SPAG16: variants seen among roughly 807,000 people sequenced by gnomAD.
The protein encoded by SPAG16 is sperm-associated antigen 16 protein.
In SPAG16, 86 loss-of-function variants were observed where a neutral mutation model predicts 80.4. The ratio of observed to expected loss-of-function variants is 1.07; its 90% CI spans 0.90 to 1.28. The LOEUF (loss-of-function observed/expected upper bound fraction) is 1.28, where lower values mean the gene tolerates loss of function less well. Among genes scored for constraint, SPAG16 ranks in the 50% most tolerant of loss-of-function variants. The pLI is 0.00. For synonymous variants in SPAG16, 294 were observed against 265.9 expected (o/e 1.11, Z -1.03); for missense variants, 870 against 765.3 (o/e 1.14, Z -1.61).
At chr2:214,223,927 G>T (rs1054107698) in intron 15 of SPAG16, among the ~76,000 whole-genome samples, 2 of 152,196 alleles carry the variant, frequency 1.3e-5, no homozygotes, top group Non-Finnish European at 2.9e-5. Flanking sequence ...GTTGAAATGG[G>T]TTTTAAAGAA....
At chr2:214,284,509 C>T (rs1693202837) in intron 15 of SPAG16, among the ~76,000 whole-genome samples, 1 of 152,156 alleles carries the variant, frequency 6.6e-6, no homozygotes, top group Non-Finnish European at 1.5e-5. Context: ...TTCTCTAGCT[C>T]CACGCACCTA....
At chr2:214,329,581 A>G (rs1283535986) in intron 15 of SPAG16, among the ~76,000 whole-genome samples, 2 of 152,246 alleles carry the variant, frequency 1.3e-5, no homozygotes, top group African/African-American at 2.4e-5. Flanking sequence ...AAAGAAATAC[A>G]AATGTTTCTA....
At chr2:214,100,349 A>G (rs2052920799) in intron 13 of SPAG16, among the ~76,000 whole-genome samples, 1 of 151,778 alleles carries the variant, frequency 6.6e-6, no homozygotes, top group Admixed American at 6.6e-5. Context: ...TCAAAAAGGC[A>G]TTTTTTTTGT....
chr2:213,757,560 C>T (rs933996764), intron 10 of SPAG16, among the ~76,000 whole-genome samples: 3 of 152,130 alleles, frequency 2.0e-5, no homozygotes, highest in African/African-American at 7.2e-5. Flanking sequence ...ATTGTACTGG[C>T]AGAATCTGTC....
At chr2:213,977,001 T>C (rs2045445740) in intron 12 of SPAG16, among the ~76,000 whole-genome samples, 1 of 152,030 alleles carries the variant, frequency 6.6e-6, no homozygotes, top group South Asian at 2.1e-4. Context: ...GTCGCTAAAT[T>C]TGTGAGAAGT....
intron 13 of SPAG16, among the ~76,000 whole-genome samples, chr2:214,038,129 T>G (rs2048809136): frequency 6.6e-6 from 1 of 152,170 alleles, no homozygotes; most frequent in Non-Finnish European, 1.5e-5. Flanking sequence ...ATATTTGCTG[T>G]GTTTCTCTAT....
chr2:213,909,457 C>T (rs1309011783), intron 11 of SPAG16, among the ~76,000 whole-genome samples: 7 of 152,124 alleles, frequency 4.6e-5, no homozygotes, highest in South Asian at 4.1e-4. Flanking sequence ...GGAGGCATCA[C>T]GCTACCTGAC....
chr2:213,996,730 G>A (rs1019221904), intron 12 of SPAG16, among the ~76,000 whole-genome samples: 1 of 151,962 alleles, frequency 6.6e-6, no homozygotes, highest in African/African-American at 2.4e-5. Flanking sequence ...CACTGGGCCA[G>A]GCTAATTTTT....
chr2:213,820,867 TTTTA>T (rs1449516914), intron 10 of SPAG16, among the ~76,000 whole-genome samples: 2 of 152,162 alleles, frequency 1.3e-5, no homozygotes, highest in Non-Finnish European at 2.9e-5. Context: ...TGTATAATGC[TTTTA>T]TTTATTTTTG....
intron 15 of SPAG16, among the ~76,000 whole-genome samples, chr2:214,178,170 C>A (rs201104228): frequency 1.4e-5 from 2 of 142,556 alleles, no homozygotes; most frequent in Admixed American, 7.3e-5. Context: ...TCTAAATATA[C>A]CTAACTAGGG....
intron 15 of SPAG16, among the ~76,000 whole-genome samples, chr2:214,193,028 G>A (rs1295555266): frequency 6.6e-6 from 1 of 151,988 alleles, no homozygotes; most frequent in Non-Finnish European, 1.5e-5. Context: ...GTCCTACAAG[G>A]ACCTCTGCTA....
At chr2:213,479,834 GT>G (rs1386641206) in intron 9 of SPAG16, among the ~76,000 whole-genome samples, 2 of 152,156 alleles carry the variant, frequency 1.3e-5, no homozygotes, top group Non-Finnish European at 2.9e-5. Flanking sequence ...TCAAAAGGGG[GT>G]AACATGGGAT....
At chr2:214,218,412 T>C (rs1296253018) in intron 15 of SPAG16, among the ~76,000 whole-genome samples, 1 of 152,156 alleles carries the variant, frequency 6.6e-6, no homozygotes, top group Admixed American at 6.5e-5. Context: ...CTGGGAAAAC[T>C]TGACGGAAAA....
At chr2:213,979,404 C>T (rs921202768) in intron 12 of SPAG16, among the ~76,000 whole-genome samples, 2 of 152,016 alleles carry the variant, frequency 1.3e-5, no homozygotes, top group Admixed American at 1.3e-4. Flanking sequence ...TAAAGAACTG[C>T]CCGTGACTGG....
intron 10 of SPAG16, among the ~76,000 whole-genome samples, chr2:213,770,629 A>C (rs1432550947): frequency 1.3e-5 from 2 of 151,996 alleles, no homozygotes; most frequent in Non-Finnish European, 2.9e-5. Context: ...CACCCCCTTG[A>C]CAGGCCCCAG....
chr2:213,540,777 A>G (rs1437126513), intron 10 of SPAG16, among the ~76,000 whole-genome samples: 1 of 152,274 alleles, frequency 6.6e-6, no homozygotes, highest in Non-Finnish European at 1.5e-5. Context: ...TGTGACTTAA[A>G]AAATGGAATA....
chr2:214,370,301 T>G (rs1222392655), intron 15 of SPAG16, among the ~76,000 whole-genome samples: 4 of 152,240 alleles, frequency 2.6e-5, no homozygotes, highest in African/African-American at 9.6e-5. Flanking sequence ...ATGACAAAAT[T>G]TTAAAGTTAT....
chr2:213,526,302 T>A (rs1241466263), intron 10 of SPAG16, among the ~76,000 whole-genome samples: 2 of 152,252 alleles, frequency 1.3e-5, no homozygotes, highest in Non-Finnish European at 2.9e-5. Flanking sequence ...AGTACTATTT[T>A]CAGTTGAATC....
intron 10 of SPAG16, among the ~76,000 whole-genome samples, chr2:213,631,009 C>T (rs1000275322): frequency 6.6e-6 from 1 of 152,036 alleles, no homozygotes; most frequent in South Asian, 2.1e-4. Flanking sequence ...AGGAGGTGCC[C>T]TGGAGGAAAG....
Sources: allele counts gnomAD v4.1 joint callset (sites outside exome capture counted in the v4.1 genomes callset), GRCh38; gene constraint gnomAD v4.1.1; transcripts MANE v1.5; gene names NCBI Gene and HGNC (gene_info 2026-07-23, HGNC 2026-07-21).